Variants in RRM1 observed in about 807,000 individuals in gnomAD.
The protein encoded by RRM1 is ribonucleoside-diphosphate reductase large subunit.
A neutral mutation model predicts 101.5 loss-of-function variants in RRM1; 19 were observed. That is an observed-to-expected ratio of 0.19 (90% CI 0.13 to 0.27). The LOEUF is 0.27. Among genes scored for constraint, RRM1 ranks in the 10% least tolerant of loss-of-function variants. The pLI is 1.00. For missense variants in RRM1, 500 were observed against 962.9 expected, an observed-to-expected ratio of 0.52 and a Z score of 6.36; for synonymous variants, 298 against 323.4, an observed-to-expected ratio of 0.92 and a Z score of 0.84.
intron 2 of RRM1, among the ~76,000 whole-genome samples, chr11:4,102,618 C>G (rs903772924): frequency 5.3e-5 from 8 of 149,856 alleles, no homozygotes; most frequent in Non-Finnish European, 1.0e-4. Flanking sequence ...TGCCACTGCA[C>G]TCCAGCCTGG....
intron 15 of RRM1, among the ~76,000 whole-genome samples, chr11:4,130,505 G>A (rs2133320300): frequency 6.6e-6 from 1 of 152,216 alleles, no homozygotes; most frequent in South Asian, 2.1e-4. Flanking sequence ...AGACCAGCTT[G>A]GGCAACATGG....
rs1296149633 is a variant in RRM1 at position 4,123,186 on chromosome 11, T to C, written c.1122T>C (p.Tyr374=). The change falls in exon 12 of 19, where the codon TAT becomes TAC. Residue 374 remains tyrosine, a synonymous_variant. Transcript: ENST00000300738. ...TAATATTATCTGTGCCTTTCAGTTA[T>C]GAGAAACAAGGTCGTGTCCGCAAAG... ...GEEFEKLYAS[Y]EKQGRVRKVV... is the part of the protein sequence containing the mutation. 27 of 1,610,218 alleles carry C rather than the reference T, an allele frequency of 1.7e-5. No homozygotes were observed. Among genetic ancestry groups the C allele is most frequent in the Non-Finnish European group, 2.3e-5 (27 of 1,176,400 alleles).
intron 16 of RRM1, among the ~76,000 whole-genome samples, chr11:4,133,077 T>C (rs11031070): frequency 0.39 from 59,230 of 152,170 alleles, 14,164 homozygotes; most frequent in Non-Finnish European, 0.54. Flanking sequence ...TTTATTAAGG[T>C]ATAATTGACA....
intron 1 of RRM1, among the ~76,000 whole-genome samples, chr11:4,096,208 G>A (rs1189642616): frequency 6.6e-6 from 1 of 152,044 alleles, no homozygotes; most frequent in African/African-American, 2.4e-5. Flanking sequence ...AAAAATTTCT[G>A]GTAGTAAAGG....
At chr11:4,134,226 C>T (rs1356038450) in intron 17 of RRM1, among the ~76,000 whole-genome samples, 1 of 152,082 alleles carries the variant, frequency 6.6e-6, no homozygotes, top group Non-Finnish European at 1.5e-5. Context: ...CCTGCCTTGG[C>T]CTCCCAGGGT....
chr11:4,096,800 T>A (rs2094544187), intron 1 of RRM1, among the ~76,000 whole-genome samples: 1 of 151,992 alleles, frequency 6.6e-6, no homozygotes. Context: ...CCACCGCACC[T>A]GGCTTGAGCA....
rs528468186 is a variant in RRM1, at chr11:4,120,420, A to G, written c.876+492A>G. On this transcript the variant is annotated intron_variant, in intron 9 of 18. Coordinates refer to ENST00000300738, the MANE Select transcript of RRM1 (RefSeq NM_001033.5). ...CTCTTATCACCCAGGCTGGAGTGCA[A>G]TGGTGCGATCTTGGCTCACCGTAGC... 1.1e-3 allele frequency among the ~76,000 whole-genome samples: 161 copies of G among 151,784 alleles called. 1 individual carries two copies. The highest frequency in any genetic ancestry group is 3.7e-3 in the African/African-American group (153 of 41,350).
chr11:4,120,747 A>G (rs1272553077), intron 9 of RRM1, among the ~76,000 whole-genome samples: 1 of 152,204 alleles, frequency 6.6e-6, no homozygotes, highest in East Asian at 1.9e-4. Context: ...GGCTCCTGCC[A>G]GTAATCCCAG....
Sources: allele counts gnomAD v4.1 joint callset (sites outside exome capture counted in the v4.1 genomes callset), GRCh38; gene constraint gnomAD v4.1.1; transcripts MANE v1.5; gene names NCBI Gene and HGNC (gene_info 2026-07-23, HGNC 2026-07-21).